The following PRH1 variants were observed in gnomAD, a reference collection of about 807,000 sequenced individuals.
The protein encoded by PRH1 is proline rich protein HaeIII subfamily 1.
Under a neutral mutation model 7.9 loss-of-function variants are expected in PRH1, and 7 were observed. That is an observed-to-expected ratio of 0.89 (90% CI 0.50 to 1.67). The LOEUF (loss-of-function observed/expected upper bound fraction) is 1.67, where lower values mean the gene tolerates loss of function less well. PRH1 is among the 40% of genes most tolerant of loss of function. PRH1 has a pLI of 0.00. For missense variants in PRH1, 109 were observed against 223.6 expected (o/e 0.49, Z 3.27); for synonymous variants, 45 against 80.8 (o/e 0.56, Z 2.38).
At chr12:10,965,656 A>C (rs558753955) in intron 2 of PRH1, among the ~76,000 whole-genome samples, 3 of 152,182 alleles carry the variant, frequency 2.0e-5, no homozygotes, top group Non-Finnish European at 4.4e-5. Context: ...CGGAATTTTC[A>C]TTTGCCAGCA....
intron 2 of PRH1, among the ~76,000 whole-genome samples, chr12:10,921,062 T>C (rs1950038078): frequency 6.6e-6 from 1 of 152,082 alleles, no homozygotes; most frequent in Admixed American, 6.5e-5. Context: ...ATATTTTAAG[T>C]ATATATTATG....
chr12:11,067,926 C>T (rs1943896899), intron 1 of PRH1, among the ~76,000 whole-genome samples: 1 of 152,106 alleles, frequency 6.6e-6, no homozygotes, highest in Admixed American at 6.6e-5. Context: ...CTCTATTCTC[C>T]TTTATTCAGC....
In PRH1 at chr12:10,914,269, C is replaced by T. The variant is rs1949941893; in HGVS notation, c.-58-29994G>A. 2.0e-5 allele frequency among the ~76,000 whole-genome samples: 3 copies of T among 152,038 alleles called. No homozygotes were observed. In the South Asian group the frequency reaches 6.2e-4, roughly 32 times the overall value. ...AAAAATTGACTTTAGAAAATAATTG[C>T]CTACTGTCTAGCTAAATAGCAAACA... On this transcript the variant is annotated intron_variant, in intron 2 of 3. Coordinates refer to the PRH1 transcript ENST00000539853.
chr12:11,112,372 A>AT (rs1425340185), intron 1 of PRH1, among the ~76,000 whole-genome samples: 2 of 152,218 alleles, frequency 1.3e-5, no homozygotes, highest in Non-Finnish European at 2.9e-5. Flanking sequence ...TTAGGCCAAT[A>AT]TCCTTGATGA....
intron 2 of PRH1, among the ~76,000 whole-genome samples, chr12:10,906,506 C>G (rs1186520330): frequency 6.6e-6 from 1 of 152,160 alleles, no homozygotes; most frequent in Admixed American, 6.6e-5. Context: ...TATGGTCTGG[C>G]TGTGTCCCCA....
At chr12:11,074,945 C>G (rs1215492788) in intron 1 of PRH1, among the ~76,000 whole-genome samples, 2 of 126,126 alleles carry the variant, frequency 1.6e-5, no homozygotes, top group African/African-American at 2.7e-5. Flanking sequence ...GTCTGTCTCA[C>G]CTCATTGTGA....
intron 1 of PRH1, among the ~76,000 whole-genome samples, chr12:11,110,992 G>A (rs1331725916): frequency 6.6e-6 from 1 of 152,078 alleles, no homozygotes; most frequent in Non-Finnish European, 1.5e-5. Context: ...AAGAAAGCAG[G>A]GGTGGCAATC....
At chr12:10,963,666 T>C (rs1938363760) in intron 2 of PRH1, among the ~76,000 whole-genome samples, 1 of 152,196 alleles carries the variant, frequency 6.6e-6, no homozygotes, top group Non-Finnish European at 1.5e-5. Context: ...ATGACAGCAG[T>C]TAAGAGGTCA....
At chr12:10,902,264 C>T (rs1949734235) in intron 2 of PRH1, among the ~76,000 whole-genome samples, 1 of 151,650 alleles carries the variant, frequency 6.6e-6, no homozygotes, top group South Asian at 2.1e-4. Context: ...CTGGACCAAG[C>T]AGAAGAGTTT....
chr12:11,121,752 T>C (rs1162463209), intron 1 of PRH1, among the ~76,000 whole-genome samples: 4 of 152,138 alleles, frequency 2.6e-5, no homozygotes, highest in African/African-American at 4.8e-5. Flanking sequence ...TGCATCATTA[T>C]CTAACAACAA....
intron 1 of PRH1, among the ~76,000 whole-genome samples, chr12:11,059,694 T>A (rs1224930626): frequency 7.5e-6 from 1 of 133,836 alleles, no homozygotes; most frequent in Non-Finnish European, 1.7e-5. Context: ...TTGTCATATT[T>A]CCCCTAAAAT....
At chr12:11,159,828 A>G (rs1204853045) in intron 1 of PRH1, 1 of 152,222 alleles carries the variant, frequency 6.6e-6, no homozygotes, top group Non-Finnish European at 1.5e-5. Flanking sequence ...AAATTCAGAT[A>G]TATGTTCAGA....
chr12:11,037,334 A>G (rs1423107260), intron 1 of PRH1, among the ~76,000 whole-genome samples: 1 of 152,252 alleles, frequency 6.6e-6, no homozygotes, highest in Admixed American at 6.5e-5. Flanking sequence ...ATGCACAAAC[A>G]TACTCAAAGA....
chr12:10,953,820 C>A (rs1293781424), intron 2 of PRH1, among the ~76,000 whole-genome samples: 1 of 152,026 alleles, frequency 6.6e-6, no homozygotes, highest in African/African-American at 2.4e-5. Flanking sequence ...ATCAGATTCT[C>A]CAAGGCGAAA....
chr12:11,051,141 A>T (rs1447086514), upstream of PRH1, among the ~76,000 whole-genome samples: 4 of 152,276 alleles, frequency 2.6e-5, no homozygotes, highest in Admixed American at 2.6e-4. Context: ...TGTGGGAAAC[A>T]TGTCCACCCC....
At chr12:10,886,995 A>G (rs1274102452), upstream of PRH1, among the ~76,000 whole-genome samples, 1 of 152,186 alleles carries the variant, frequency 6.6e-6, no homozygotes, top group Non-Finnish European at 1.5e-5. Flanking sequence ...AATCAGAGTG[A>G]TCATTTAAAA....
At chr12:11,151,018 G>A (rs907202196) in intron 1 of PRH1, among the ~76,000 whole-genome samples, 3 of 152,136 alleles carry the variant, frequency 2.0e-5, no homozygotes, top group Admixed American at 6.6e-5. Flanking sequence ...TTTGAAACTG[G>A]AGTCATATCA....
At chr12:10,991,603 A>G (rs916633206) in intron 1 of PRH1, among the ~76,000 whole-genome samples, 4 of 152,202 alleles carry the variant, frequency 2.6e-5, no homozygotes, top group African/African-American at 9.6e-5. Context: ...TAAATAAATA[A>G]CATATATGAA....
At chr12:11,127,063 G>C (rs1360998267) in intron 1 of PRH1, among the ~76,000 whole-genome samples, 1 of 152,152 alleles carries the variant, frequency 6.6e-6, no homozygotes, top group Admixed American at 6.5e-5. Context: ...TAACGTTCTT[G>C]TTCCTTTTAA....
Sources: gnomAD v4.1 joint callset for allele counts (sites outside exome capture counted in the v4.1 genomes callset) on GRCh38, gnomAD v4.1.1 for gene constraint, MANE v1.5 for transcripts, NCBI Gene and HGNC (gene_info 2026-07-23, HGNC 2026-07-21) for gene names.